The following BCL2L14 variants were observed in gnomAD, a reference collection of about 807,000 sequenced individuals.
BCL2L14 encodes the protein apoptosis facilitator Bcl-2-like protein 14.
In BCL2L14, 27 loss-of-function variants were observed where a neutral mutation model predicts 35.3. The ratio of observed to expected loss-of-function variants is 0.76; its 90% CI spans 0.56 to 1.05. BCL2L14 has a LOEUF of 1.05. Among genes scored for constraint, BCL2L14 ranks in the 50% least tolerant of loss-of-function variants. BCL2L14 has a pLI of 0.00. For missense variants in BCL2L14, 377 were observed against 382.6 expected, an observed-to-expected ratio of 0.99 and a Z score of 0.12; for synonymous variants, 139 against 145.9, an observed-to-expected ratio of 0.95 and a Z score of 0.34.
In BCL2L14 at chr12:12,098,941, C is replaced by T. The variant is rs908843089; in HGVS notation, c.946-9C>T. 6.4e-7 allele frequency: 1 copy of T among 1,573,692 alleles called. No individual in the cohort carries two copies. The highest frequency in any genetic ancestry group is 8.7e-7 in the Non-Finnish European group (1 of 1,143,302). On this transcript the variant is annotated splice_polypyrimidine_tract_variant and intron_variant, in intron 5 of 5. Transcript: ENST00000308721. Reference sequence around the variant, plus strand: ...CTTGGAATTTTAAGAACCTATTTTTCCCCTCTAGGAAAAAATACTTGGGAT... The same window carrying T: ...CTTGGAATTTTAAGAACCTATTTTTTCCCTCTAGGAAAAAATACTTGGGAT...
At chr12:12,073,921 T>A (rs889790406) in intron 1 of BCL2L14, among the ~76,000 whole-genome samples, 1 of 152,162 alleles carries the variant, frequency 6.6e-6, no homozygotes, top group Non-Finnish European at 1.5e-5. Context: ...CCCTGCTTGG[T>A]GGCCCGCTTT....
upstream of BCL2L14, among the ~76,000 whole-genome samples, chr12:12,069,511 A>C (rs1441391319): frequency 6.6e-6 from 1 of 151,754 alleles, no homozygotes; most frequent in African/African-American, 2.4e-5. Flanking sequence ...CATCCTGGCT[A>C]ACACGGTGAA....
intron 2 of BCL2L14, among the ~76,000 whole-genome samples, chr12:12,057,593 A>T (rs2136709980): frequency 6.6e-6 from 1 of 152,192 alleles, no homozygotes; most frequent in African/African-American, 2.4e-5. Flanking sequence ...CCCCTTCTCT[A>T]CTAAAAATAC....
chr12:12,055,766 C>A (rs1342248131), intron 2 of BCL2L14: 1 of 152,124 alleles, frequency 6.6e-6, no homozygotes, highest in Non-Finnish European at 1.5e-5. Flanking sequence ...CAGAAAAATC[C>A]CTTCTTCTGT....
At chr12:12,066,148 G>A (rs948545829), upstream of BCL2L14, among the ~76,000 whole-genome samples, 1 of 152,146 alleles carries the variant, frequency 6.6e-6, no homozygotes, top group Non-Finnish European at 1.5e-5. Flanking sequence ...ATGATCTTAA[G>A]GTTAAAGTGT....
upstream of BCL2L14, among the ~76,000 whole-genome samples, chr12:12,069,062 G>T (rs1591811938): frequency 1.3e-5 from 2 of 152,182 alleles, no homozygotes; most frequent in South Asian, 4.1e-4. Flanking sequence ...GTGTCTTTTA[G>T]CACAACAGTG....
At position 12,087,393 on chromosome 12, in the gene BCL2L14, T is replaced by G. The variant is rs1949071573; in HGVS notation, c.607+7T>G. On this transcript the variant is annotated splice_region_variant and intron_variant, in intron 3 of 5. Coordinates refer to ENST00000308721, the MANE Select transcript of BCL2L14 (RefSeq NM_138723.2). Reference sequence around the variant, plus strand: ...GCTTCAAGTTCTAAGAAAGGTAAGCTTTCCTTCCCTGGGTGGAGTGTTTGC... The same window carrying G: ...GCTTCAAGTTCTAAGAAAGGTAAGCGTTCCTTCCCTGGGTGGAGTGTTTGC... The G allele has an allele frequency of 6.2e-7, 1 of 1,613,684 alleles. No homozygotes were observed.
Position 12,094,682 on chromosome 12 carries a change from T to C in BCL2L14, c.697T>C (p.Leu233=), listed in dbSNP as rs11054683. 370,345 of 1,613,712 alleles carry C rather than the reference T, an allele frequency of 0.23. 45,001 individuals are homozygous for C. Among genetic ancestry groups the C allele is most frequent in the Middle Eastern group, 0.35 (2,143 of 6,060 alleles). ...TACACAGCTGAAGAAAGATAAGGCT[T>C]TGATGGGCCACTTCCAGGATGGGCT... ...LERKLKKDKA[L]MGHFQDGLSY... Residue 233 remains leucine (L), a synonymous_variant, in exon 5 of 6, where the codon TTG becomes CTG. Transcript: ENST00000308721.
At chr12:12,065,302 G>A (rs899544897) in intron 2 of BCL2L14, among the ~76,000 whole-genome samples, 5 of 152,102 alleles carry the variant, frequency 3.3e-5, no homozygotes, top group African/African-American at 4.8e-5. Flanking sequence ...TTGGGAGGCC[G>A]AGGCAGGCGG....
chr12:12,095,080 T>C, intron 5 of BCL2L14, 150 bp downstream of exon 5: 2 of 1,444,842 alleles, frequency 1.4e-6, no homozygotes, highest in Middle Eastern at 1.8e-4. Context: ...ATCCCATTGA[T>C]GGGAACATAT....
chr12:12,089,383 AAAAG>A (rs1308182583), intron 3 of BCL2L14, among the ~76,000 whole-genome samples: 2 of 149,060 alleles, frequency 1.3e-5, no homozygotes, highest in Non-Finnish European at 3.0e-5. Context: ...AAAAAAAAAA[AAAAG>A]TAGAAGAAGA....
At chr12:12,056,694 G>C (rs61923172) in intron 2 of BCL2L14, among the ~76,000 whole-genome samples, 3 of 152,204 alleles carry the variant, frequency 2.0e-5, no homozygotes, top group East Asian at 1.9e-4. Context: ...TTAGCTGGGC[G>C]TGGTGGTAGG....
At chr12:12,080,760 G>A (rs756353881) in intron 2 of BCL2L14, among the ~76,000 whole-genome samples, 2 of 152,072 alleles carry the variant, frequency 1.3e-5, no homozygotes, top group Admixed American at 6.6e-5. Context: ...TCTCCACCTC[G>A]TATGGTTGAT....
chr12:12,074,047 A>G (rs1393656883), intron 1 of BCL2L14, among the ~76,000 whole-genome samples: 4 of 152,218 alleles, frequency 2.6e-5, no homozygotes, highest in African/African-American at 4.8e-5. Flanking sequence ...AATTTCAGAT[A>G]AATAACAAAT....
chr12:12,078,945 C>T (rs754097544), intron 1 of BCL2L14, among the ~76,000 whole-genome samples: 4 of 152,270 alleles, frequency 2.6e-5, no homozygotes, highest in East Asian at 1.9e-4. Flanking sequence ...TACAGGCGTG[C>T]GCCACCATGC....
chr12:12,058,092 G>GCA (rs1451829939), intron 2 of BCL2L14, among the ~76,000 whole-genome samples: 3 of 150,344 alleles, frequency 2.0e-5, no homozygotes, highest in Non-Finnish European at 4.4e-5. Context: ...GGGACTACAG[G>GCA]TGTGTGCCAC....
rs188288603 is a variant in BCL2L14, at chr12:12,080,098, G to A, written c.433+360G>A. Among the ~76,000 whole-genome samples, 271 of 152,056 alleles carry A rather than the reference G, an allele frequency of 1.8e-3. 1 individual carries two copies. Among genetic ancestry groups the A allele is most frequent in the African/African-American group, 6.1e-3 (252 of 41,484 alleles). The stretch of plus-strand genomic sequence containing the variant: ...CGGGTGCCTGTAGTCCCAGCTACTC[G>A]GGAGGCTGAGGCAGGAGAATGGCGT... On this transcript the variant is annotated intron_variant, in intron 2 of 5. Transcript: ENST00000308721.
At chr12:12,088,192 GCT>G (rs1949090156) in intron 3 of BCL2L14, among the ~76,000 whole-genome samples, 1 of 152,198 alleles carries the variant, frequency 6.6e-6, no homozygotes, top group Non-Finnish European at 1.5e-5. Context: ...AAGGAGAACA[GCT>G]CTCTCTCCTG....
At chr12:12,076,006 C>T (rs376940423) in intron 1 of BCL2L14, among the ~76,000 whole-genome samples, 2 of 151,134 alleles carry the variant, frequency 1.3e-5, no homozygotes, top group East Asian at 3.9e-4. Flanking sequence ...CAAGATTGGT[C>T]ATTGGGAACA....
Sources: gnomAD v4.1 joint callset for allele counts (sites outside exome capture counted in the v4.1 genomes callset) on GRCh38, gnomAD v4.1.1 for gene constraint, MANE v1.5 for transcripts, NCBI Gene and HGNC (gene_info 2026-07-23, HGNC 2026-07-21) for gene names.